PCDH15: variants seen among roughly 807,000 people sequenced by gnomAD.
PCDH15 encodes protocadherin related 15, also known as protocadherin-15.
PCDH15 carries 129 observed loss-of-function variants against 178.5 expected under a neutral mutation model. The observed-to-expected ratio is 0.72, with a 90% CI of 0.63 to 0.84. PCDH15 has a LOEUF of 0.84. Ranked by LOEUF, PCDH15 falls within the 40% of genes least tolerant of loss-of-function variation. The probability of loss-of-function intolerance (pLI) is 0.00; values close to 1 mark genes in which losing one functional copy is unlikely to be tolerated. For synonymous variants in PCDH15, 800 were observed against 732.0 expected, an observed-to-expected ratio of 1.09 and a Z score of -1.50; for missense variants, 2,230 against 2,099.9, an observed-to-expected ratio of 1.06 and a Z score of -1.21.
intron 2 of PCDH15, among the ~76,000 whole-genome samples, chr10:55,460,504 A>G (rs1839652340): frequency 6.6e-6 from 1 of 152,050 alleles, no homozygotes. Flanking sequence ...TCTGCTGTTT[A>G]TCCCAGTCTG....
At chr10:54,128,136 C>T (rs1564486118) in intron 15 of PCDH15, among the ~76,000 whole-genome samples, 1 of 151,856 alleles carries the variant, frequency 6.6e-6, no homozygotes, top group Non-Finnish European at 1.5e-5. Flanking sequence ...AGAGGAAGGA[C>T]CCCCAATAAA....
intron 18 of PCDH15, among the ~76,000 whole-genome samples, chr10:54,043,887 C>T (rs987607102): frequency 6.6e-6 from 1 of 152,110 alleles, no homozygotes; most frequent in Non-Finnish European, 1.5e-5. Flanking sequence ...GCCTGGAGAT[C>T]AGGTAATGAC....
chr10:54,022,741 T>C, intron 19 of PCDH15, 151 bp downstream of exon 19: 2 of 797,898 alleles, frequency 2.5e-6, no homozygotes, highest in East Asian at 2.7e-5. Context: ...ATATGCAATA[T>C]TGGAGAAATA....
chr10:54,772,310 T>C (rs1729127710), intron 1 of PCDH15, among the ~76,000 whole-genome samples: 1 of 152,206 alleles, frequency 6.6e-6, no homozygotes, highest in Admixed American at 6.5e-5. Context: ...GTAATGTTCA[T>C]GTTCAAACAT....
At chr10:55,179,833 G>C (rs1476749072) in intron 1 of PCDH15, among the ~76,000 whole-genome samples, 1 of 151,888 alleles carries the variant, frequency 6.6e-6, no homozygotes, top group Non-Finnish European at 1.5e-5. Context: ...CTGAACAATG[G>C]GAGAGAAGTG....
At chr10:54,746,141 A>T (rs565600005) in intron 1 of PCDH15, among the ~76,000 whole-genome samples, 4 of 152,258 alleles carry the variant, frequency 2.6e-5, no homozygotes, top group African/African-American at 9.6e-5. Flanking sequence ...GGGCCAGATG[A>T]CACCTTGTTG....
At chr10:55,226,111 C>A (rs766010945) in intron 1 of PCDH15, among the ~76,000 whole-genome samples, 2 of 151,996 alleles carry the variant, frequency 1.3e-5, no homozygotes, top group Non-Finnish European at 2.9e-5. Flanking sequence ...TTAAACACAT[C>A]AGTTAATAAG....
At chr10:55,615,270 A>G (rs1213291828) in intron 2 of PCDH15, among the ~76,000 whole-genome samples, 2 of 152,218 alleles carry the variant, frequency 1.3e-5, no homozygotes, top group African/African-American at 4.8e-5. Context: ...TATGAAAATA[A>G]GACATCAAAA....
At chr10:54,842,933 G>T (rs1037396063) in intron 3 of PCDH15, among the ~76,000 whole-genome samples, 3 of 151,852 alleles carry the variant, frequency 2.0e-5, no homozygotes, top group Non-Finnish European at 2.9e-5. Context: ...AAAATAAAAA[G>T]AAATAAGTGT....
intron 2 of PCDH15, among the ~76,000 whole-genome samples, chr10:55,040,607 C>T (rs928478129): frequency 6.6e-6 from 1 of 152,114 alleles, no homozygotes; most frequent in African/African-American, 2.4e-5. Flanking sequence ...GGAAGACTGA[C>T]CATACTGTAC....
chr10:54,360,428 T>C (rs1221887570), intron 5 of PCDH15, among the ~76,000 whole-genome samples: 2 of 152,114 alleles, frequency 1.3e-5, no homozygotes, highest in African/African-American at 2.4e-5. Flanking sequence ...GCCTCAGTGA[T>C]TGGCTTTCTG....
chr10:54,176,916 C>T (rs2047495721), intron 13 of PCDH15, among the ~76,000 whole-genome samples: 1 of 151,328 alleles, frequency 6.6e-6, no homozygotes, highest in Non-Finnish European at 1.5e-5. Flanking sequence ...AATCCCACTC[C>T]TTGGTATTTA....
At chr10:55,521,216 T>G (rs999819806) in intron 2 of PCDH15, among the ~76,000 whole-genome samples, 1 of 152,018 alleles carries the variant, frequency 6.6e-6, no homozygotes, top group African/African-American at 2.4e-5. Flanking sequence ...GCATAATGTC[T>G]TTTAGATTTA....
chr10:53,966,276 T>G (rs1315377717), intron 21 of PCDH15, among the ~76,000 whole-genome samples: 2 of 152,160 alleles, frequency 1.3e-5, no homozygotes, highest in Non-Finnish European at 2.9e-5. Flanking sequence ...ACCCTTGTTA[T>G]CAAAGCACAT....
At chr10:54,139,155 C>A (rs956561241) in intron 14 of PCDH15, among the ~76,000 whole-genome samples, 30 of 151,958 alleles carry the variant, frequency 2.0e-4, no homozygotes, top group Admixed American at 1.9e-3. Flanking sequence ...ATAAACCCAG[C>A]TAACATAAAA....
At chr10:54,720,364 A>G (rs1199866237) in intron 1 of PCDH15, among the ~76,000 whole-genome samples, 1 of 151,972 alleles carries the variant, frequency 6.6e-6, no homozygotes, top group African/African-American at 2.4e-5. Flanking sequence ...TAGTCATCAG[A>G]ATTTTCAAAG....
chr10:54,932,372 TAAAG>T (rs1300440473), intron 2 of PCDH15, among the ~76,000 whole-genome samples: 6 of 152,188 alleles, frequency 3.9e-5, no homozygotes, highest in African/African-American at 1.4e-4. Context: ...AATAAGGATA[TAAAG>T]AAAGAACATA....
intron 2 of PCDH15, among the ~76,000 whole-genome samples, chr10:55,088,451 T>G (rs753974238): frequency 5.9e-5 from 9 of 151,930 alleles, no homozygotes; most frequent in Non-Finnish European, 1.3e-4. Flanking sequence ...TTGTATTTTT[T>G]TTAGTAAAGA....
At chr10:54,171,156 G>A (rs1368366816) in intron 13 of PCDH15, among the ~76,000 whole-genome samples, 1 of 152,012 alleles carries the variant, frequency 6.6e-6, no homozygotes, top group African/African-American at 2.4e-5. Context: ...AATACAGTCT[G>A]ATAACGGACG....
Sources: allele counts gnomAD v4.1 joint callset (sites outside exome capture counted in the v4.1 genomes callset), GRCh38; gene constraint gnomAD v4.1.1; transcripts MANE v1.5; gene names NCBI Gene and HGNC (gene_info 2026-07-23, HGNC 2026-07-21).